RARB: variants seen among roughly 807,000 people sequenced by gnomAD.
RARB encodes HBV-activated protein.
In RARB, 17 loss-of-function variants were observed where a neutral mutation model predicts 51.9. The ratio of observed to expected loss-of-function variants is 0.33; its 90% confidence interval spans 0.22 to 0.49. RARB has a LOEUF of 0.49. RARB is among the 20% of genes least tolerant of loss of function. The pLI, the probability that RARB is intolerant of heterozygous loss-of-function variation, is 0.99. For synonymous variants in RARB, 215 were observed against 195.4 expected (o/e 1.10, Z -0.84); for missense variants, 369 against 550.8 (o/e 0.67, Z 3.30).
chr3:25,557,536 G>T (rs936916819), intron 3 of RARB, among the ~76,000 whole-genome samples: 5 of 152,080 alleles, frequency 3.3e-5, no homozygotes, highest in African/African-American at 1.2e-4. Context: ...GAAGGAGGAG[G>T]CCCTTTTTCC....
intron 2 of RARB, among the ~76,000 whole-genome samples, chr3:24,961,115 C>A (rs147299120): frequency 6.6e-6 from 1 of 152,260 alleles, no homozygotes; most frequent in African/African-American, 2.4e-5. Flanking sequence ...ACTGTTCTGT[C>A]ATTATAAGTT....
intron 1 of RARB, among the ~76,000 whole-genome samples, chr3:25,435,522 G>A (rs1264238890): frequency 1.3e-5 from 2 of 152,112 alleles, no homozygotes; most frequent in Non-Finnish European, 2.9e-5. Flanking sequence ...TTTAGGGGCT[G>A]GTCTATTGGA....
intron 3 of RARB, among the ~76,000 whole-genome samples, chr3:25,098,174 G>A (rs1321175799): frequency 3.3e-5 from 5 of 152,108 alleles, no homozygotes; most frequent in Admixed American, 3.3e-4. Flanking sequence ...TGAAGCTGGA[G>A]CAGAGGCCTG....
At chr3:25,300,984 G>C (rs1259964879) in intron 5 of RARB, among the ~76,000 whole-genome samples, 3 of 152,152 alleles carry the variant, frequency 2.0e-5, no homozygotes, top group East Asian at 3.8e-4. Context: ...GCTACAAAGC[G>C]AGACTCTGTC....
At chr3:25,120,977 A>G (rs1370254789) in intron 3 of RARB, among the ~76,000 whole-genome samples, 3 of 152,182 alleles carry the variant, frequency 2.0e-5, no homozygotes, top group Non-Finnish European at 4.4e-5. Flanking sequence ...GACCCTTTAC[A>G]GAAAAAGTTG....
intron 2 of RARB, among the ~76,000 whole-genome samples, chr3:24,905,123 C>T (rs1359358804): frequency 6.6e-6 from 1 of 152,086 alleles, no homozygotes; most frequent in Non-Finnish European, 1.5e-5. Context: ...TATCCCAGAA[C>T]TTAAAGTATA....
intron 2 of RARB, among the ~76,000 whole-genome samples, chr3:25,471,489 T>C (rs1049603269): frequency 6.6e-6 from 1 of 151,768 alleles, no homozygotes; most frequent in Non-Finnish European, 1.5e-5. Context: ...TGATTTTGGA[T>C]TGAAAAAGCA....
At chr3:25,513,312 GGAGA>G (rs1289710908) in intron 3 of RARB, among the ~76,000 whole-genome samples, 1 of 151,384 alleles carries the variant, frequency 6.6e-6, no homozygotes, top group Non-Finnish European at 1.5e-5. Context: ...AGACAGAGAG[GGAGA>G]GAGAAAGAAG....
intron 5 of RARB, among the ~76,000 whole-genome samples, chr3:25,273,120 G>A (rs1481191352): frequency 2.6e-5 from 4 of 152,148 alleles, no homozygotes; most frequent in African/African-American, 9.7e-5. Flanking sequence ...ATGTATTGGG[G>A]GAACAGGATG....
chr3:25,207,280 C>A (rs1233408692), intron 5 of RARB, among the ~76,000 whole-genome samples: 1 of 152,126 alleles, frequency 6.6e-6, no homozygotes, highest in Admixed American at 6.6e-5. Context: ...GTGATCCTCC[C>A]CTGTGCCCAT....
intron 5 of RARB, among the ~76,000 whole-genome samples, chr3:25,307,730 G>A (rs1408596586): frequency 2.0e-5 from 3 of 152,150 alleles, no homozygotes; most frequent in East Asian, 1.9e-4. Flanking sequence ...GAATGAGGAC[G>A]AGGCACACAG....
At chr3:24,887,521 A>G (rs1264396396) in intron 2 of RARB, among the ~76,000 whole-genome samples, 1 of 152,182 alleles carries the variant, frequency 6.6e-6, no homozygotes, top group Non-Finnish European at 1.5e-5. Context: ...TTATGCTTAT[A>G]ATATGTATTA....
chr3:25,086,850 G>A (rs755666757), intron 3 of RARB, among the ~76,000 whole-genome samples: 2 of 152,106 alleles, frequency 1.3e-5, no homozygotes, highest in African/African-American at 4.8e-5. Context: ...TTCTTATTAT[G>A]CAGATAAAGC....
intron 1 of RARB, among the ~76,000 whole-genome samples, chr3:24,830,420 C>CGTGTGTGTGTGT (rs59434163): frequency 0.35 from 42,402 of 121,068 alleles, 7,837 homozygotes; most frequent in South Asian, 0.44. Flanking sequence ...TGACAGAAGA[C>CGTGTGTGTGTGT]GTGTGTGTGT....
At position 24,912,975 on chromosome 3, in the gene RARB, C is replaced by CTTTTTTTTTTTTTTTTTTTTTT. The variant is rs386396163; in HGVS notation, c.-380+54224_-380+54245dup. 2.3e-3 allele frequency among the ~76,000 whole-genome samples: 173 copies of CTTTTTTTTTTTTTTTTTTTTTT among 75,038 alleles called. 37 individuals carry two copies. Among genetic ancestry groups the CTTTTTTTTTTTTTTTTTTTTTT allele is most frequent in the East Asian group, 5.3e-3 (13 of 2,430 alleles). 49.2% of individuals were successfully genotyped at this position (75,038 alleles called of 152,430 possible). Reference sequence around the variant, plus strand: ...GCAATACGCACACAAGGTACTGATTCTTTTTTTTTTTTTTTTTTTTTTGGA... The same window carrying CTTTTTTTTTTTTTTTTTTTTTT: ...GCAATACGCACACAAGGTACTGATTCTTTTTTTTTTTTTTTTTTTTTTTTTTTTTTTTTTTTTTTTTTTTGGA... On this transcript the variant is annotated intron_variant, in intron 2 of 11. Coordinates refer to the RARB transcript ENST00000383772.
intron 4 of RARB, among the ~76,000 whole-genome samples, chr3:25,153,484 G>A (rs1700325506): frequency 6.6e-6 from 1 of 152,108 alleles, no homozygotes; most frequent in South Asian, 2.1e-4. Context: ...GTTATCAAAG[G>A]ACAGATCAGA....
At chr3:24,846,667 T>C (rs1166279953) in intron 1 of RARB, among the ~76,000 whole-genome samples, 2 of 152,152 alleles carry the variant, frequency 1.3e-5, no homozygotes, top group African/African-American at 4.8e-5. Context: ...CAGATGTCCC[T>C]AGTCTGAGAG....
At chr3:25,535,747 C>A (rs1699113697) in intron 3 of RARB, among the ~76,000 whole-genome samples, 3 of 152,150 alleles carry the variant, frequency 2.0e-5, no homozygotes, top group Non-Finnish European at 2.9e-5. Context: ...AAGCTGGAAA[C>A]CATCCTTGTC....
At chr3:25,539,615 T>TC (rs908109569) in intron 3 of RARB, among the ~76,000 whole-genome samples, 4 of 150,548 alleles carry the variant, frequency 2.7e-5, no homozygotes, top group East Asian at 1.9e-4. Flanking sequence ...ATTTCTTTTT[T>TC]CCCCCCCACA....
Sources: allele counts gnomAD v4.1 joint callset (sites outside exome capture counted in the v4.1 genomes callset), GRCh38; gene constraint gnomAD v4.1.1; transcripts MANE v1.5; gene names NCBI Gene and HGNC (gene_info 2026-07-23, HGNC 2026-07-21).